The following TRIM2 variants were observed in gnomAD, a reference collection of about 807,000 sequenced individuals.
TRIM2 encodes the protein tripartite motif containing 2.
A neutral mutation model predicts 75.2 loss-of-function variants in TRIM2; 20 were observed. That is an observed-to-expected ratio of 0.27 (90% CI 0.19 to 0.39). The LOEUF is 0.39. Among genes scored for constraint, TRIM2 ranks in the 10% least tolerant of loss-of-function variants. The pLI is 1.00. For synonymous variants in TRIM2, 373 were observed against 388.3 expected (o/e 0.96, Z 0.46); for missense variants, 660 against 990.8 (o/e 0.67, Z 4.48).
intron 6 of TRIM2, among the ~76,000 whole-genome samples, chr4:153,311,297 CTT>C (rs1766234871): frequency 6.6e-6 from 1 of 152,150 alleles, no homozygotes; most frequent in Non-Finnish European, 1.5e-5. Flanking sequence ...AAAACAGACT[CTT>C]TTTGACTAAG....
intron 1 of TRIM2, among the ~76,000 whole-genome samples, chr4:153,168,609 G>A (rs372798936): frequency 6.7e-6 from 1 of 150,178 alleles, no homozygotes; most frequent in African/African-American, 2.5e-5. Flanking sequence ...GAAATAACTC[G>A]AAACATTTTT....
intron 1 of TRIM2, among the ~76,000 whole-genome samples, chr4:153,260,977 T>G (rs1455365612): frequency 2.6e-5 from 4 of 152,200 alleles, no homozygotes; most frequent in Non-Finnish European, 4.4e-5. Context: ...TCATCATGTT[T>G]TAATTTATAC....
At position 153,295,415 on chromosome 4, in the gene TRIM2, G is replaced by T; in HGVS notation, c.889G>T (p.Val297Phe). 1 of 1,614,166 alleles carries T rather than the reference G, an allele frequency of 6.2e-7. No individual in the cohort carries two copies. Among genetic ancestry groups the T allele is most frequent in the Non-Finnish European group, 8.5e-7 (1 of 1,179,994 alleles). ...CCTCAACCATGGCACGGAGACCGAGGTCCTACTGGTGAAGAAGCAGATGAG... is the reference window on the plus strand; with the variant it reads ...CCTCAACCATGGCACGGAGACCGAGTTCCTACTGGTGAAGAAGCAGATGAG... ...QALNHGTETE[V>F]LLVKKQMSEK... Residue 297 changes from valine (V) to phenylalanine (F), a missense_variant, in exon 6 of 12, where the codon GTC (valine) becomes TTC (phenylalanine). By Grantham distance (50) the Val-to-Phe change is conservative. Around this residue, in one of 2 missense-constraint regions of TRIM2, gnomAD observed 620 missense variants for 891.0 expected, o/e 0.70. Coordinates refer to ENST00000338700, the MANE Select transcript of TRIM2 (RefSeq NM_015271.5). This position sits in a 1 kb window ranked among gnomAD's most constrained non-coding sequence, Gnocchi z 7.2.
At chr4:153,203,611 A>G (rs2149683875), upstream of TRIM2, among the ~76,000 whole-genome samples, 1 of 149,998 alleles carries the variant, frequency 6.7e-6, no homozygotes, top group African/African-American at 2.5e-5. Flanking sequence ...AAAATAGTAG[A>G]CCAGGCGCAG....
intron 1 of TRIM2, among the ~76,000 whole-genome samples, chr4:153,181,904 C>G (rs1732103806): frequency 1.3e-5 from 2 of 152,130 alleles, no homozygotes; most frequent in Admixed American, 6.5e-5. Flanking sequence ...AGGTTCCTAC[C>G]CTGAGGGCCT....
chr4:153,328,305 C>CA (rs1462635675), intron 10 of TRIM2, among the ~76,000 whole-genome samples: 2 of 151,922 alleles, frequency 1.3e-5, no homozygotes, highest in South Asian at 4.1e-4. Context: ...AGATATAAGC[C>CA]AAAAAAAGTG....
chr4:153,319,225 AT>A (rs1457501574), intron 8 of TRIM2, among the ~76,000 whole-genome samples: 1 of 152,060 alleles, frequency 6.6e-6, no homozygotes, highest in Admixed American at 6.6e-5. Flanking sequence ...ATTAGCCCTA[AT>A]TTTTATTTCT....
rs1455923010 is a variant in TRIM2, at chr4:153,248,106, G to T, written c.31-22229G>T. Among the ~76,000 whole-genome samples, 1 of 147,276 alleles carries T rather than the reference G, an allele frequency of 6.8e-6. No homozygotes were observed. The highest frequency in any genetic ancestry group is 1.5e-5 in the Non-Finnish European group (1 of 67,640). ...CGCCTCTGGGATTCAAGCGATTCTT[G>T]TGCTTCAGCCTCCTGAATAGCTGGG... On this transcript the variant is annotated intron_variant, in intron 1 of 11. Transcript: ENST00000338700. This position sits in a 1 kb window ranked among gnomAD's most constrained non-coding sequence, Gnocchi z 4.0.
At chr4:153,241,576 G>C (rs1746616945) in intron 1 of TRIM2, among the ~76,000 whole-genome samples, 1 of 152,230 alleles carries the variant, frequency 6.6e-6, no homozygotes, top group Non-Finnish European at 1.5e-5. Context: ...TCAGAGAGGA[G>C]GCAGCATTTG....
At chr4:153,257,808 G>T in intron 1 of TRIM2, 2 of 345,026 alleles carry the variant, frequency 5.8e-6, no homozygotes, top group Non-Finnish European at 1.1e-5. Context: ...TGTGCCAGGT[G>T]GATAACTGAT....
intron 1 of TRIM2, among the ~76,000 whole-genome samples, chr4:153,210,941 C>T (rs1736817526): frequency 6.6e-6 from 1 of 152,294 alleles, no homozygotes; most frequent in South Asian, 2.1e-4. Context: ...TCAACACATG[C>T]AGTAAACCCA....
intron 3 of TRIM2, among the ~76,000 whole-genome samples, chr4:153,289,231 A>T (rs1191394605): frequency 1.3e-5 from 2 of 151,938 alleles, no homozygotes; most frequent in African/African-American, 2.4e-5. Context: ...TTTGTTGATG[A>T]TTATTATAGT....
intron 6 of TRIM2, chr4:153,307,854 C>G: frequency 1.5e-5 from 11 of 737,756 alleles, no homozygotes; most frequent in Middle Eastern, 2.4e-4. Context: ...GAATTCAGAC[C>G]TAATTTTCAA....
At chr4:153,256,700 A>T (rs1752149201) in intron 1 of TRIM2, among the ~76,000 whole-genome samples, 1 of 152,252 alleles carries the variant, frequency 6.6e-6, no homozygotes, top group South Asian at 2.1e-4. Flanking sequence ...TCAACTTTTA[A>T]CTGAAAACTT....
intron 1 of TRIM2, among the ~76,000 whole-genome samples, chr4:153,187,160 A>G (rs894659423): frequency 2.6e-5 from 4 of 152,218 alleles, no homozygotes; most frequent in African/African-American, 9.7e-5. Context: ...GAATTTCGTT[A>G]CAGTCACAAA....
At chr4:153,304,639 G>C (rs764673189) in intron 6 of TRIM2, among the ~76,000 whole-genome samples, 2 of 152,114 alleles carry the variant, frequency 1.3e-5, no homozygotes, top group Non-Finnish European at 2.9e-5. Context: ...CTGGGACTTT[G>C]TTCTCTGAAC....
intron 1 of TRIM2, among the ~76,000 whole-genome samples, chr4:153,208,690 T>A (rs1325858031): frequency 6.6e-6 from 1 of 152,144 alleles, no homozygotes; most frequent in Non-Finnish European, 1.5e-5. Flanking sequence ...ATTGTCTGCC[T>A]TATCGGGCTA....
upstream of TRIM2, among the ~76,000 whole-genome samples, chr4:153,202,698 CAAA>C (rs748719135): frequency 2.6e-5 from 2 of 77,958 alleles, no homozygotes; most frequent in Non-Finnish European, 2.8e-5. Context: ...GACTCTGTCT[CAAA>C]AAAAAAAAAA....
intron 1 of TRIM2, among the ~76,000 whole-genome samples, chr4:153,222,049 G>GAAGGAAA (rs1560836441): frequency 1.4e-3 from 200 of 147,576 alleles, no homozygotes; most frequent in Middle Eastern, 3.6e-3. Context: ...AGCGAGGAAG[G>GAAGGAAA]GAGGGAGGAA....
Sources: allele counts gnomAD v4.1 joint callset (sites outside exome capture counted in the v4.1 genomes callset), GRCh38; gene constraint gnomAD v4.1.1; regional missense constraint gnomAD v4.1.1; non-coding constraint Gnocchi (gnomAD v3.1); transcripts MANE v1.5; gene names NCBI Gene and HGNC (gene_info 2026-07-23, HGNC 2026-07-21).